Variants in GPC6 observed in about 807,000 individuals in gnomAD.
GPC6 encodes glypican-6.
A neutral mutation model predicts 55.2 loss-of-function variants in GPC6; 14 were observed. The observed-to-expected ratio is 0.25, with a 90% CI of 0.17 to 0.40. The LOEUF (loss-of-function observed/expected upper bound fraction) is 0.40. GPC6 is among the 10% of genes least tolerant of loss of function. GPC6 has a pLI of 1.00. For synonymous variants in GPC6, 278 were observed against 259.6 expected, an observed-to-expected ratio of 1.07 and a Z score of -0.68; for missense variants, 641 against 708.5, an observed-to-expected ratio of 0.90 and a Z score of 1.08.
chr13:93,475,191 G>A (rs2139333850), intron 1 of GPC6, among the ~76,000 whole-genome samples: 1 of 151,728 alleles, frequency 6.6e-6, no homozygotes, highest in Middle Eastern at 3.4e-3. Flanking sequence ...AACACACACA[G>A]CAACCACTAT....
intron 2 of GPC6, among the ~76,000 whole-genome samples, chr13:93,633,371 C>T (rs1479432764): frequency 5.9e-5 from 9 of 152,078 alleles, no homozygotes; most frequent in African/African-American, 1.9e-4. Flanking sequence ...TGCGGCCAGG[C>T]GCAGTGGCTC....
intron 4 of GPC6, among the ~76,000 whole-genome samples, chr13:94,225,257 T>C (rs998237545): frequency 5.9e-5 from 9 of 152,280 alleles, no homozygotes; most frequent in South Asian, 2.1e-4. Context: ...CATCATCTTA[T>C]GTCTTCTTAA....
At chr13:93,512,769 A>C (rs1566397863) in intron 1 of GPC6, among the ~76,000 whole-genome samples, 1 of 152,104 alleles carries the variant, frequency 6.6e-6, no homozygotes. Flanking sequence ...TTTTAGGATA[A>C]AAATTTGTAG....
chr13:94,322,199 T>TC (rs1361828700), intron 6 of GPC6, among the ~76,000 whole-genome samples: 1 of 152,184 alleles, frequency 6.6e-6, no homozygotes, highest in East Asian at 1.9e-4. Context: ...ATAAGAGGTT[T>TC]CCCCTTTTGC....
intron 4 of GPC6, among the ~76,000 whole-genome samples, chr13:94,092,281 A>G (rs528705900): frequency 3.3e-5 from 5 of 152,108 alleles, no homozygotes; most frequent in Admixed American, 2.6e-4. Flanking sequence ...CATTTGACTA[A>G]CATCTCCCCA....
chr13:93,368,390 G>GTCCGTCCTTCCT (rs1321302195), intron 1 of GPC6, among the ~76,000 whole-genome samples: 5 of 56,324 alleles, frequency 8.9e-5, no homozygotes, highest in African/African-American at 2.5e-4. Flanking sequence ...CCTTCCTTCC[G>GTCCGTCCTTCCT]TCCTTCCTTC....
intron 3 of GPC6, among the ~76,000 whole-genome samples, chr13:93,861,344 AG>A: frequency 6.6e-6 from 1 of 151,632 alleles, no homozygotes; most frequent in South Asian, 2.1e-4. Flanking sequence ...TGCAGACAAA[AG>A]TATGTATAAT....
At chr13:93,677,716 T>G (rs1047194298) in intron 2 of GPC6, among the ~76,000 whole-genome samples, 2 of 152,134 alleles carry the variant, frequency 1.3e-5, no homozygotes, top group African/African-American at 4.8e-5. Context: ...CATGACTAAT[T>G]ACAAGGGTTA....
At chr13:93,282,647 A>G (rs1877990928) in intron 1 of GPC6, among the ~76,000 whole-genome samples, 1 of 152,224 alleles carries the variant, frequency 6.6e-6, no homozygotes, top group South Asian at 2.1e-4. Context: ...AAAGTTATGC[A>G]TAAACACAGT....
At chr13:93,732,543 G>A (rs1348714991) in intron 2 of GPC6, among the ~76,000 whole-genome samples, 4 of 152,130 alleles carry the variant, frequency 2.6e-5, no homozygotes, top group African/African-American at 7.2e-5. Context: ...CAGTGTTGGA[G>A]CAATCAAACC....
At position 94,404,022 on chromosome 13, in the gene GPC6, T is replaced by C. The variant is rs1195301458; in HGVS notation, c.*805T>C. 1 of 152,276 alleles carries C rather than the reference T, an allele frequency of 6.6e-6. No individual in the cohort carries two copies. The highest frequency in any genetic ancestry group is 1.5e-5 in the Non-Finnish European group (1 of 68,112). 9.4% of individuals were successfully genotyped at this position (152,276 alleles called of 1,614,324 possible). ...ACAGATTTTCCCCTTCATCTTCAATTACTAGTAGCTACCCCCATCAATTCA... is the reference window on the plus strand; with the variant it reads ...ACAGATTTTCCCCTTCATCTTCAATCACTAGTAGCTACCCCCATCAATTCA... On this transcript the variant is annotated 3_prime_UTR_variant, in exon 9 of 9. Coordinates refer to ENST00000377047, the MANE Select transcript of GPC6 (RefSeq NM_005708.5).
chr13:93,340,179 C>T (rs1235773922), intron 1 of GPC6, among the ~76,000 whole-genome samples: 1 of 151,740 alleles, frequency 6.6e-6, no homozygotes, highest in Non-Finnish European at 1.5e-5. Context: ...GGACTACAGG[C>T]GCCCGCCACC....
chr13:93,979,478 T>A (rs1420689276), intron 3 of GPC6, among the ~76,000 whole-genome samples: 1 of 151,940 alleles, frequency 6.6e-6, no homozygotes, highest in Non-Finnish European at 1.5e-5. Flanking sequence ...GCGCACTGTA[T>A]TAATAATGGT....
chr13:93,593,961 T>C (rs538102587), intron 2 of GPC6, among the ~76,000 whole-genome samples: 22 of 152,128 alleles, frequency 1.4e-4, no homozygotes, highest in Non-Finnish European at 1.5e-5. Flanking sequence ...TATATTAGGC[T>C]ACCATTCATA....
intron 1 of GPC6, among the ~76,000 whole-genome samples, chr13:93,496,733 T>G (rs560160726): frequency 6.6e-6 from 1 of 152,198 alleles, no homozygotes; most frequent in Non-Finnish European, 1.5e-5. Context: ...CTCTCTGTGC[T>G]TCAGCTTCTT....
intron 3 of GPC6, among the ~76,000 whole-genome samples, chr13:93,972,069 A>G (rs1880306763): frequency 6.6e-6 from 1 of 152,168 alleles, no homozygotes; most frequent in Admixed American, 6.5e-5. Flanking sequence ...TCCAGCCTGG[A>G]CTGTAGAACC....
At chr13:93,228,118 T>C (rs1017809460) in intron 1 of GPC6, among the ~76,000 whole-genome samples, 1 of 151,940 alleles carries the variant, frequency 6.6e-6, no homozygotes, top group African/African-American at 2.4e-5. Flanking sequence ...AGCCCCTCTC[T>C]CCCCTATCCG....
At chr13:94,139,209 C>G (rs186585102) in intron 4 of GPC6, among the ~76,000 whole-genome samples, 4 of 152,264 alleles carry the variant, frequency 2.6e-5, no homozygotes, top group African/African-American at 9.6e-5. Context: ...TGACATGACT[C>G]ATATGCAGCC....
At chr13:93,322,059 A>G (rs1879461468) in intron 1 of GPC6, among the ~76,000 whole-genome samples, 1 of 152,210 alleles carries the variant, frequency 6.6e-6, no homozygotes, top group Admixed American at 6.5e-5. Context: ...ACAATTGTAT[A>G]AAAAGACACA....
Sources: allele counts gnomAD v4.1 joint callset (sites outside exome capture counted in the v4.1 genomes callset), GRCh38; gene constraint gnomAD v4.1.1; transcripts MANE v1.5; gene names NCBI Gene and HGNC (gene_info 2026-07-23, HGNC 2026-07-21).